Variants in ZNF549 observed in about 807,000 individuals in gnomAD.
ZNF549 encodes zinc finger protein 549.
In ZNF549, 11 loss-of-function variants were observed where a neutral mutation model predicts 11.1. That is an observed-to-expected ratio of 0.99 (90% CI 0.62 to 1.64). The LOEUF is 1.64. Ranked by LOEUF, ZNF549 falls within the 40% of genes most tolerant of loss-of-function variation. The probability of loss-of-function intolerance (pLI) is 0.00; values close to 1 mark genes in which losing one functional copy is unlikely to be tolerated. For missense variants in ZNF549, 748 were observed against 765.1 expected, an observed-to-expected ratio of 0.98 and a Z score of 0.26; for synonymous variants, 266 against 269.1, an observed-to-expected ratio of 0.99 and a Z score of 0.11.
Position 57,536,145 on chromosome 19 carries a change from A to G in ZNF549, c.199+875A>G, listed in dbSNP as rs554714964. 3.9e-5 allele frequency among the ~76,000 whole-genome samples: 6 copies of G among 152,312 alleles called. No homozygotes were observed. The South Asian group carries it at 1.0e-3, about 26-fold the overall frequency. On this transcript the variant is annotated intron_variant, in intron 3 of 3. Transcript: ENST00000376233. ...TTCCTGTTCTGCAGTGTTCTCCAAC[A>G]TTAGCCTATACCTAATGTATTTAAT...
At chr19:57,533,911 A>C (rs2089913686) in intron 2 of ZNF549, among the ~76,000 whole-genome samples, 1 of 152,088 alleles carries the variant, frequency 6.6e-6, no homozygotes, top group Non-Finnish European at 1.5e-5. Context: ...CCTTACATGC[A>C]GAATAGAAAC....
Position 57,535,131 on chromosome 19 carries a change from C to A in ZNF549, c.73-13C>A. On this transcript the variant is annotated splice_polypyrimidine_tract_variant and intron_variant, in intron 2 of 3. Coordinates refer to ENST00000376233, the MANE Select transcript of ZNF549 (RefSeq NM_001199295.2). Reference sequence around the variant, plus strand: ...TGAGTCTGCTCATGATTTCATCTGCCCCCATCATGCAGGGCCATGTGACCT... The same window carrying A: ...TGAGTCTGCTCATGATTTCATCTGCACCCATCATGCAGGGCCATGTGACCT... The A allele has an allele frequency of 6.2e-7, 1 of 1,612,480 alleles. No individual in the cohort carries two copies. The highest frequency in any genetic ancestry group is 8.5e-7 in the Non-Finnish European group (1 of 1,179,024).
chr19:57,530,605 G>C (rs75940674), intron 1 of ZNF549, among the ~76,000 whole-genome samples: 2,547 of 152,188 alleles, frequency 0.017, 75 homozygotes, highest in African/African-American at 0.058. Context: ...GTACGACTGA[G>C]CCCTTAAACC....
intron 3 of ZNF549, among the ~76,000 whole-genome samples, chr19:57,535,552 G>T (rs1340007759): frequency 6.6e-6 from 1 of 152,152 alleles, no homozygotes; most frequent in African/African-American, 2.4e-5. Context: ...TGACTGTTCA[G>T]TTCTGTGGTG....
chr19:57,540,737 G>A lies in ZNF549; in HGVS notation c.*1810G>A, dbSNP rs2089952904. 6.6e-6 allele frequency: 1 copy of A among 152,174 alleles called. No individual in the cohort carries two copies. The highest frequency in any genetic ancestry group is 2.4e-5 in the African/African-American group (1 of 41,432). 9.4% of individuals were successfully genotyped at this position (152,174 alleles called of 1,614,324 possible). A position where few individuals can be genotyped will look rare whatever the true frequency, so the allele number is the denominator to read the frequency against. ...GTCGCGCCATTGCACTCCAGCCTGG[G>A]CGACAGAGTGACACTTCTCAAAAAA... On this transcript the variant is annotated 3_prime_UTR_variant, in exon 4 of 4. Transcript: ENST00000376233.
chr19:57,537,449 C>T lies in ZNF549; in HGVS notation c.445C>T (p.Gln149Ter). The T allele has an allele frequency of 6.2e-7, 1 of 1,614,220 alleles. No individual in the cohort carries two copies. Among genetic ancestry groups the T allele is most frequent in the Non-Finnish European group, 8.5e-7 (1 of 1,180,046 alleles). The change falls in exon 4 of 4, where the codon CAG (glutamine) becomes TAG (stop). Residue 149 changes from glutamine to a stop codon, truncating the protein, a stop_gained. Transcript: ENST00000376233. LOFTEE classifies it low-confidence loss of function (END_TRUNC). Reference protein sequence around the residue: ...KWFSFGSNLQQHQNQDSGEKH... With the variant: ...KWFSFGSNLQ ...GTTTTCATTTGGTTCTAACCTGCAACAGCACCAGAACCAGGACAGTGGAGA... is the reference window on the plus strand; with the variant it reads ...GTTTTCATTTGGTTCTAACCTGCAATAGCACCAGAACCAGGACAGTGGAGA...
intron 1 of ZNF549, among the ~76,000 whole-genome samples, chr19:57,529,620 C>G (rs925196110): frequency 1.3e-5 from 2 of 152,192 alleles, no homozygotes; most frequent in Non-Finnish European, 2.9e-5. Context: ...AGCGCAGTGG[C>G]TCACACCTGT....
Position 57,527,374 on chromosome 19 carries a change from C to G in ZNF549, c.-200C>G, listed in dbSNP as rs933424361. The stretch of plus-strand genomic sequence containing the variant: ...GGTGGTCGTTTTTGCTGCCTGCGAG[C>G]GCGTCCGCGGGCTGGGCGTTTCCGG... On this transcript the variant is annotated 5_prime_UTR_variant, in exon 1 of 4. Coordinates refer to ENST00000376233, the MANE Select transcript of ZNF549 (RefSeq NM_001199295.2). 3 of 701,760 alleles carry G rather than the reference C, an allele frequency of 4.3e-6. No homozygotes were observed. In the African/African-American group the frequency reaches 5.4e-5, roughly 13 times the overall value. The allele number at this position is 701,760 out of a possible 1,614,324, so 43.5% of individuals were successfully genotyped here.
chr19:57,528,877 ATGTT>A (rs2089891365), intron 1 of ZNF549, among the ~76,000 whole-genome samples: 1 of 152,224 alleles, frequency 6.6e-6, no homozygotes, highest in Non-Finnish European at 1.5e-5. Flanking sequence ...TAAAAAATAA[ATGTT>A]TGTTTTTTGT....
At chr19:57,530,905 G>A (rs1424268938) in intron 1 of ZNF549, among the ~76,000 whole-genome samples, 165 bp from the exon 2 acceptor site, 2 of 151,376 alleles carry the variant, frequency 1.3e-5, no homozygotes, top group African/African-American at 2.4e-5. Context: ...TGATGCCTAC[G>A]ATGGCACTAC....
At chr19:57,529,780 G>A (rs1020587382) in intron 1 of ZNF549, among the ~76,000 whole-genome samples, 7 of 152,108 alleles carry the variant, frequency 4.6e-5, no homozygotes, top group Non-Finnish European at 1.0e-4. Context: ...CAGCTACTCC[G>A]GAGGCTGAGG....
At chr19:57,534,518 G>GT (rs2089916240) in intron 2 of ZNF549, among the ~76,000 whole-genome samples, 1 of 152,128 alleles carries the variant, frequency 6.6e-6, no homozygotes, top group Non-Finnish European at 1.5e-5. Flanking sequence ...CTTTGACTGA[G>GT]TATAGGTGGA....
At chr19:57,529,397 G>A (rs2089893544) in intron 1 of ZNF549, among the ~76,000 whole-genome samples, 1 of 152,062 alleles carries the variant, frequency 6.6e-6, no homozygotes, top group Non-Finnish European at 1.5e-5. Context: ...ATAATAACTG[G>A]AAATAATATA....
intron 3 of ZNF549, 108 bp downstream of exon 3, chr19:57,535,378 C>T (rs2123314298): frequency 6.8e-7 from 1 of 1,463,838 alleles, no homozygotes; most frequent in East Asian, 2.3e-5. Context: ...CTTCTTCTTT[C>T]CTTGGTTCTT....
Position 57,535,273 on chromosome 19 carries a change from A to G in ZNF549, c.199+3A>G. The G allele has an allele frequency of 1.2e-6, 2 of 1,613,376 alleles. No homozygotes were observed. The highest frequency in any genetic ancestry group is 1.7e-6 in the Non-Finnish European group (2 of 1,179,480). ...CTTTTCGCTTATGGCCTCAGTAGGT[A>G]AGATCTCTTAAAACCACACCATCAA... On this transcript the variant is annotated splice_donor_region_variant and intron_variant, in intron 3 of 3. Transcript: ENST00000376233.
intron 1 of ZNF549, 46 bp downstream of exon 1, chr19:57,527,652 G>T (rs777831571): frequency 6.2e-7 from 1 of 1,604,142 alleles, no homozygotes; most frequent in Non-Finnish European, 8.5e-7. Context: ...TGAGGCCCCG[G>T]ACTGGGGTCA....
intron 2 of ZNF549, among the ~76,000 whole-genome samples, chr19:57,532,806 G>C (rs956024178): frequency 6.6e-6 from 1 of 152,178 alleles, no homozygotes; most frequent in African/African-American, 2.4e-5. Context: ...TACTGTATCT[G>C]TCAGTAACAG....
In ZNF549 at chr19:57,538,329, A is replaced by C. The variant is rs2089937274; in HGVS notation, c.1325A>C (p.Glu442Ala). 5.0e-6 allele frequency: 8 copies of C among 1,613,996 alleles called. No individual in the cohort carries two copies. Among genetic ancestry groups the C allele is most frequent in the Non-Finnish European group, 6.8e-6 (8 of 1,180,020 alleles). Residue 442 changes from glutamate (E) to alanine (A), a missense_variant, in exon 4 of 4, where the codon GAA (glutamate) becomes GCA (alanine). Coordinates refer to ENST00000376233, the MANE Select transcript of ZNF549 (RefSeq NM_001199295.2). The part of the protein sequence containing the change: ...LLEHQRIHTG[E>A]KPYVCIICGK... ...GAGCACCAGAGAATTCATACTGGAGAAAAGCCTTATGTGTGCATCATATGT... is the reference window on the plus strand; with the variant it reads ...GAGCACCAGAGAATTCATACTGGAGCAAAGCCTTATGTGTGCATCATATGT...
chr19:57,530,525 A>T (rs576892177), intron 1 of ZNF549, among the ~76,000 whole-genome samples: 2 of 152,296 alleles, frequency 1.3e-5, no homozygotes, highest in Non-Finnish European at 2.9e-5. Context: ...CCAAATGTGT[A>T]GCCAAGTGGA....
Sources: allele counts gnomAD v4.1 joint callset (sites outside exome capture counted in the v4.1 genomes callset), GRCh38; gene constraint gnomAD v4.1.1; transcripts MANE v1.5; gene names NCBI Gene and HGNC (gene_info 2026-07-23, HGNC 2026-07-21).